Variants in CCDC171 observed in about 807,000 individuals in gnomAD.
The protein encoded by CCDC171 is coiled-coil domain containing 171.
CCDC171 carries 177 observed loss-of-function variants against 168.2 expected under a neutral mutation model. That is an observed-to-expected ratio of 1.05 (90% confidence interval 0.93 to 1.19). The LOEUF (loss-of-function observed/expected upper bound fraction) is 1.19, where lower values mean the gene tolerates loss of function less well. Among genes scored for constraint, CCDC171 ranks in the 50% most tolerant of loss-of-function variants. CCDC171 has a pLI of 0.00. For missense variants in CCDC171, 1,991 were observed against 1,539.0 expected, an observed-to-expected ratio of 1.29 and a Z score of -4.91; for synonymous variants, 687 against 540.8, an observed-to-expected ratio of 1.27 and a Z score of -3.75.
intron 21 of CCDC171, among the ~76,000 whole-genome samples, chr9:15,819,317 T>C (rs1662147709): frequency 8.5e-6 from 1 of 117,434 alleles, no homozygotes; most frequent in Admixed American, 8.0e-5. Context: ...AACATCATAA[T>C]GACAGGATCA....
chr9:15,598,034 C>G (rs1245752652), intron 6 of CCDC171, among the ~76,000 whole-genome samples: 2 of 152,038 alleles, frequency 1.3e-5, no homozygotes, highest in South Asian at 2.1e-4. Flanking sequence ...ATTCTTCTCT[C>G]TTTTCTTCTT....
rs73644949 is a variant in CCDC171 at position 15,816,678 on chromosome 9, C to T, written c.3268-30024C>T. 1.3e-3 allele frequency among the ~76,000 whole-genome samples: 149 copies of T among 117,888 alleles called. 36 individuals carry two copies. The highest frequency in any genetic ancestry group is 4.5e-3 in the African/African-American group (142 of 31,514). The allele number at this position is 117,888 out of a possible 152,430, so 77.3% of individuals were successfully genotyped here. ...CATGTACTTGCATTTTGAATGTTAACGCTTATGTAATTTTCTAATGGATCA... is the reference window on the plus strand; with the variant it reads ...CATGTACTTGCATTTTGAATGTTAATGCTTATGTAATTTTCTAATGGATCA... On this transcript the variant is annotated intron_variant, in intron 21 of 25. Transcript: ENST00000380701.
chr9:15,647,416 T>C (rs1412273439), intron 7 of CCDC171, among the ~76,000 whole-genome samples: 2 of 151,850 alleles, frequency 1.3e-5, no homozygotes, highest in South Asian at 2.1e-4. Flanking sequence ...CTGAAGGAGA[T>C]AGAGACACAA....
chr9:15,757,038 C>T (rs2056164792), intron 18 of CCDC171, among the ~76,000 whole-genome samples: 1 of 152,142 alleles, frequency 6.6e-6, no homozygotes, highest in African/African-American at 2.4e-5. Context: ...AATGGACTAA[C>T]TAATACAGTA....
chr9:15,809,144 C>G (rs1373676180), intron 21 of CCDC171, among the ~76,000 whole-genome samples: 2 of 152,092 alleles, frequency 1.3e-5, no homozygotes, highest in Non-Finnish European at 2.9e-5. Flanking sequence ...TTTTTGGGAA[C>G]ATAAAACATT....
At chr9:15,886,667 A>G (rs555139506) in intron 24 of CCDC171, 1 of 152,204 alleles carries the variant, frequency 6.6e-6, no homozygotes, top group South Asian at 2.1e-4. Context: ...CTACACTTCC[A>G]TGTTCATTGT....
rs146242470 is a variant in CCDC171, at chr9:15,797,016, C to T, written c.3267+12322C>T. On this transcript the variant is annotated intron_variant, in intron 21 of 25. Coordinates refer to ENST00000380701, the MANE Select transcript of CCDC171 (RefSeq NM_173550.4). ...ATTTTACATTTCTATCAGCACTGTA[C>T]GAAAGTTCCATTTGCTTCACATCCT... 9.9e-5 allele frequency among the ~76,000 whole-genome samples: 15 copies of T among 152,274 alleles called. No individual in the cohort carries two copies. In the East Asian group the frequency reaches 1.4e-3, roughly 14 times the overall value.
chr9:15,781,226 T>C (rs1343197191), intron 20 of CCDC171, among the ~76,000 whole-genome samples: 1 of 152,232 alleles, frequency 6.6e-6, no homozygotes, highest in East Asian at 1.9e-4. Flanking sequence ...TTGATTAGTT[T>C]AGAAGTAGTC....
chr9:15,559,417 C>A (rs183825763), intron 1 of CCDC171, among the ~76,000 whole-genome samples: 2 of 151,980 alleles, frequency 1.3e-5, no homozygotes, highest in East Asian at 3.9e-4. Flanking sequence ...TGGCTGCTCC[C>A]GTATTGGGTG....
At chr9:15,691,571 T>TATATATATATAA (rs1587985159) in intron 10 of CCDC171, among the ~76,000 whole-genome samples, 1 of 145,350 alleles carries the variant, frequency 6.9e-6, no homozygotes, top group East Asian at 2.0e-4. Context: ...TATATATATA[T>TATATATATATAA]GTACACATAA....
At chr9:15,766,356 G>A (rs2056723491) in intron 18 of CCDC171, among the ~76,000 whole-genome samples, 12 of 152,042 alleles carry the variant, frequency 7.9e-5, no homozygotes, top group Admixed American at 7.9e-4. Context: ...GGATCCTCCT[G>A]CCTCAGCCTC....
At chr9:15,631,644 G>C (rs1326940088) in intron 7 of CCDC171, among the ~76,000 whole-genome samples, 3 of 152,198 alleles carry the variant, frequency 2.0e-5, no homozygotes, top group Non-Finnish European at 2.9e-5. Flanking sequence ...AATAGAAAAA[G>C]AGGGAATCCT....
At chr9:15,825,741 A>G (rs910843773) in intron 21 of CCDC171, among the ~76,000 whole-genome samples, 5 of 152,112 alleles carry the variant, frequency 3.3e-5, no homozygotes, top group African/African-American at 9.7e-5. Context: ...GGAGATTGCA[A>G]TAATTCTAGA....
chr9:15,666,395 A>G, intron 9 of CCDC171, 72 bp downstream of exon 9: 2 of 1,064,162 alleles, frequency 1.9e-6, no homozygotes, highest in Non-Finnish European at 2.7e-6. Context: ...ATATGAATGT[A>G]TACTATGTAT....
At chr9:15,842,753 A>G (rs1238043262) in intron 21 of CCDC171, among the ~76,000 whole-genome samples, 1 of 151,910 alleles carries the variant, frequency 6.6e-6, no homozygotes. Context: ...AAATGTTTTC[A>G]TAGGTGTGAG....
rs565448050 is a variant in CCDC171 at position 16,009,677 on chromosome 9, C to T, written n.369-10912C>T. Among the ~76,000 whole-genome samples, 7 of 152,042 alleles carry T rather than the reference C, an allele frequency of 4.6e-5. No homozygotes were observed. In the South Asian group the frequency reaches 1.2e-3, roughly 27 times the overall value. On this transcript the variant is annotated intron_variant and non_coding_transcript_variant, in intron 3 of 9. Transcript: ENST00000486641. The stretch of plus-strand genomic sequence containing the variant: ...CAAATTGGTAGAAAATTGAGAACAC[C>T]GAAATGCCTTTAACAAGAATGATGT...
At chr9:16,031,013 T>C (rs538219170) in intron 6 of CCDC171, among the ~76,000 whole-genome samples, 1 of 152,186 alleles carries the variant, frequency 6.6e-6, no homozygotes, top group South Asian at 2.1e-4. Flanking sequence ...CCAAGTCGAG[T>C]CTGGGGCCAG....
At chr9:15,672,000 C>T (rs567910134) in intron 9 of CCDC171, among the ~76,000 whole-genome samples, 1 of 152,180 alleles carries the variant, frequency 6.6e-6, no homozygotes. Flanking sequence ...TCCACATCCT[C>T]TCCAGCACCT....
intron 18 of CCDC171, among the ~76,000 whole-genome samples, chr9:15,773,787 G>A (rs947794614): frequency 1.3e-5 from 2 of 152,016 alleles, no homozygotes; most frequent in Non-Finnish European, 2.9e-5. Context: ...AAGATAAATA[G>A]AGGGGGCATA....
Sources: gnomAD v4.1 joint callset for allele counts (sites outside exome capture counted in the v4.1 genomes callset) on GRCh38, gnomAD v4.1.1 for gene constraint, MANE v1.5 for transcripts, NCBI Gene and HGNC (gene_info 2026-07-23, HGNC 2026-07-21) for gene names.